Variants in DPP4 observed in about 807,000 individuals in gnomAD.
DPP4 encodes the protein ADCP-2.
Under a neutral mutation model 122.4 loss-of-function variants are expected in DPP4, and 93 were observed. The observed-to-expected ratio is 0.76, with a 90% CI of 0.64 to 0.90. The LOEUF is 0.90. Among genes scored for constraint, DPP4 ranks in the 40% least tolerant of loss-of-function variants. The probability of loss-of-function intolerance (pLI) is 0.00; values close to 1 mark genes in which losing one functional copy is unlikely to be tolerated. For synonymous variants in DPP4, 321 were observed against 302.9 expected (o/e 1.06, Z -0.62); for missense variants, 914 against 907.3 (o/e 1.01, Z -0.09).
chr2:162,010,345 T>C (rs935970367), intron 20 of DPP4, among the ~76,000 whole-genome samples: 1 of 152,228 alleles, frequency 6.6e-6, no homozygotes, highest in African/African-American at 2.4e-5. Context: ...TTTCTTTTAT[T>C]GAATTCCATA....
chr2:162,036,168 A>G (rs970012646), intron 8 of DPP4, among the ~76,000 whole-genome samples: 2 of 152,196 alleles, frequency 1.3e-5, no homozygotes, highest in African/African-American at 4.8e-5. Context: ...AGACGCCTAG[A>G]TATTCCACAA....
chr2:162,015,365 C>T (rs949942855), intron 18 of DPP4, among the ~76,000 whole-genome samples: 32 of 152,086 alleles, frequency 2.1e-4, no homozygotes, highest in Admixed American at 1.3e-4. Flanking sequence ...TTATATTTTG[C>T]TGACTATTGT....
intron 12 of DPP4, 135 bp from the exon 13 acceptor site, chr2:162,020,823 T>A: frequency 1.8e-6 from 1 of 546,962 alleles, no homozygotes; most frequent in East Asian, 3.1e-5. Flanking sequence ...TTAAAATTAG[T>A]GTCTCAAAAA....
chr2:161,992,859 C>A lies in DPP4; in HGVS notation c.*424G>T, dbSNP rs201513363. ...AGCCATGCCCTGCTATCTTCTCTCC[C>A]TAATCCCTCTTATCCTGTCCCTGCC... On this transcript the variant is annotated 3_prime_UTR_variant, in exon 26 of 26. Coordinates refer to ENST00000360534, the MANE Select transcript of DPP4 (RefSeq NM_001935.4). The A allele has an allele frequency of 5.5e-5, 9 of 164,118 alleles. No individual in the cohort carries two copies. The highest frequency in any genetic ancestry group is 1.7e-4 in the South Asian group (1 of 5,988). The allele number at this position is 164,118 out of a possible 1,614,324, so 10.2% of individuals were successfully genotyped here.
chr2:161,994,311 C>T (rs1166506391), intron 25 of DPP4, among the ~76,000 whole-genome samples: 1 of 152,228 alleles, frequency 6.6e-6, no homozygotes, highest in African/African-American at 2.4e-5. Context: ...TTAGAGGACA[C>T]ATAAATACAT....
chr2:162,061,493 T>A (rs1192630903), intron 2 of DPP4, among the ~76,000 whole-genome samples: 1 of 152,244 alleles, frequency 6.6e-6, no homozygotes, highest in Non-Finnish European at 1.5e-5. Flanking sequence ...AGTAATTTTA[T>A]ATCTATTTAA....
chr2:162,015,662 T>C (rs1047392126), intron 18 of DPP4, among the ~76,000 whole-genome samples: 1 of 152,136 alleles, frequency 6.6e-6, no homozygotes, highest in South Asian at 2.1e-4. Flanking sequence ...TTCTGTACTT[T>C]GAATGGCTAT....
chr2:161,997,010 T>C (rs150638853), intron 23 of DPP4, among the ~76,000 whole-genome samples: 1 of 152,340 alleles, frequency 6.6e-6, no homozygotes, highest in Non-Finnish European at 1.5e-5. Flanking sequence ...GTGAGAATTC[T>C]TTAACAGTGT....
chr2:162,006,723 TA>T, intron 22 of DPP4, among the ~76,000 whole-genome samples: 1 of 152,206 alleles, frequency 6.6e-6, no homozygotes, highest in East Asian at 1.9e-4. Flanking sequence ...AAAATATCAG[TA>T]AAAAAATTAT....
intron 5 of DPP4, among the ~76,000 whole-genome samples, chr2:162,041,952 G>A (rs1040012479): frequency 1.3e-5 from 2 of 152,200 alleles, no homozygotes; most frequent in African/African-American, 4.8e-5. Context: ...ATGGAGGTGG[G>A]TGGGAGAGGC....
At chr2:162,041,730 G>C (rs1406558810) in intron 5 of DPP4, among the ~76,000 whole-genome samples, 1 of 152,146 alleles carries the variant, frequency 6.6e-6, no homozygotes. Context: ...ACCATGGGTT[G>C]TAAAAGAAAA....
Position 162,024,863 on chromosome 2 carries a change from A to G in DPP4, c.964T>C (p.Tyr322His), listed in dbSNP as rs1229896513. 5 of 1,613,868 alleles carry G rather than the reference A, an allele frequency of 3.1e-6. No homozygotes were observed. The African/African-American group carries it at 5.3e-5, about 17-fold the overall frequency. Residue 322 changes from tyrosine (Y) to histidine (H), a missense_variant, in exon 11 of 26, where the codon TAT (tyrosine) becomes CAT (histidine). Physicochemically the swap from Tyr to His is moderately conservative, Grantham distance 83. Transcript: ENST00000360534. ...TAGTCACAAATATCCATGACCGAAT[A>G]GTTCTGAATCCTCCTGAGCCACTGC... ...SLQWLRRIQNYSVMDICDYDE... is the reference protein window; with the variant it reads ...SLQWLRRIQNHSVMDICDYDE...
rs1448860241 is a variant in DPP4 at position 162,018,814 on chromosome 2, G to T, written c.1335C>A (p.Leu445=). 6.2e-7 allele frequency: 1 copy of T among 1,614,140 alleles called. No individual in the cohort carries two copies. The highest frequency in any genetic ancestry group is 1.7e-5 in the Admixed American group (1 of 60,016). Residue 445 remains leucine (L), a synonymous_variant, in exon 16 of 26, where the codon CTC becomes CTA. Transcript: ENST00000360534. ...ACCTTTCCGGATTCAGCTCACAACT[G>T]AGGCATGTCACTTTTGTATAGTCAC... ...QLSDYTKVTC[L]SCELNPERCQ... is the part of the protein sequence containing the mutation.
intron 5 of DPP4, 58 bp from the exon 6 acceptor site, chr2:162,039,242 C>A: frequency 7.4e-7 from 1 of 1,352,726 alleles, no homozygotes; most frequent in Non-Finnish European, 1.1e-6. Context: ...TGGCCACTCA[C>A]TATAGGAGAC....
chr2:162,026,008 A>G (rs1683319143), intron 10 of DPP4, among the ~76,000 whole-genome samples: 1 of 152,076 alleles, frequency 6.6e-6, no homozygotes, highest in Admixed American at 6.6e-5. Context: ...ACAGGCACTA[A>G]TTATATGTCC....
At chr2:162,017,394 G>A (rs1682964843) in intron 16 of DPP4, 2 of 485,382 alleles carry the variant, frequency 4.1e-6, no homozygotes, top group East Asian at 6.5e-5. Context: ...GAATGAAGTA[G>A]GAAATGAATC....
intron 23 of DPP4, 195 bp downstream of exon 23, chr2:162,005,550 T>C (rs1352652437): frequency 1.9e-6 from 1 of 523,486 alleles, no homozygotes; most frequent in African/African-American, 1.9e-5. Context: ...CTATATAGCA[T>C]ACGATAAAGA....
intron 10 of DPP4, among the ~76,000 whole-genome samples, chr2:162,028,083 C>T (rs1683402965): frequency 6.6e-6 from 1 of 151,434 alleles, no homozygotes. Context: ...AAAAAACTGC[C>T]AGGTGCAGTG....
At chr2:162,061,520 T>C (rs1684771276) in intron 2 of DPP4, among the ~76,000 whole-genome samples, 1 of 152,234 alleles carries the variant, frequency 6.6e-6, no homozygotes, top group Admixed American at 6.5e-5. Flanking sequence ...ACTTTAACAG[T>C]CTTTTCTTAA....
Sources: gnomAD v4.1 joint callset for allele counts (sites outside exome capture counted in the v4.1 genomes callset) on GRCh38, gnomAD v4.1.1 for gene constraint, MANE v1.5 for transcripts, NCBI Gene and HGNC (gene_info 2026-07-23, HGNC 2026-07-21) for gene names.